The following LIMS1 variants were observed in gnomAD, a reference collection of about 807,000 sequenced individuals.
The protein encoded by LIMS1 is LIM zinc finger domain containing 1, also known as LIM and senescent cell antigen-like-containing domain protein 1.
Under a neutral mutation model 44.1 loss-of-function variants are expected in LIMS1, and 18 were observed. The ratio of observed to expected loss-of-function variants is 0.41; its 90% confidence interval spans 0.28 to 0.61. The LOEUF (loss-of-function observed/expected upper bound fraction) is 0.61, where lower values mean the gene tolerates loss of function less well. LIMS1 is among the 20% of genes least tolerant of loss of function. The pLI is 0.32. For missense variants in LIMS1, 201 were observed against 422.0 expected, an observed-to-expected ratio of 0.48 and a Z score of 4.59; for synonymous variants, 93 against 149.1, an observed-to-expected ratio of 0.62 and a Z score of 2.74.
At chr2:108,676,909 T>G (rs1395630322) in intron 7 of LIMS1, 1 of 551,948 alleles carries the variant, frequency 1.8e-6, no homozygotes, top group African/African-American at 1.9e-5. Context: ...CACAGTTTGC[T>G]TTATCATTTC....
At position 108,590,624 on chromosome 2, in the gene LIMS1, CTT is replaced by C. The variant is rs529511408; in HGVS notation, c.32+56033_32+56034del. 7.8e-4 allele frequency among the ~76,000 whole-genome samples: 118 copies of C among 152,180 alleles called. 1 individual carries two copies. Among genetic ancestry groups the C allele is most frequent in the Non-Finnish European group, 1.5e-3 (102 of 68,040 alleles). On this transcript the variant is annotated intron_variant, in intron 1 of 9. Transcript: ENST00000544547. ...AGAGACGGCACCATGGAGGTAGTGACTTTTGAGTTGGGCTTTGAAGAATTTGA... is the reference window on the plus strand; with the variant it reads ...AGAGACGGCACCATGGAGGTAGTGACTTGAGTTGGGCTTTGAAGAATTTGA...
At chr2:108,625,585 C>A (rs79785802) in intron 1 of LIMS1, among the ~76,000 whole-genome samples, 1,855 of 151,836 alleles carry the variant, frequency 0.012, 44 homozygotes, top group African/African-American at 0.043. Flanking sequence ...AATCCCCCCC[C>A]CCAAAAAAAT....
intron 2 of LIMS1, among the ~76,000 whole-genome samples, chr2:108,668,571 C>T (rs554092958): frequency 1.2e-4 from 18 of 152,130 alleles, no homozygotes; most frequent in Non-Finnish European, 2.9e-5. Flanking sequence ...AAGAGTACTC[C>T]GCTGGGTATA....
chr2:108,683,753 T>G, intron 9 of LIMS1, 132 bp from the exon 10 acceptor site: 1 of 442,734 alleles, frequency 2.3e-6, no homozygotes, highest in Non-Finnish European at 4.1e-6. Flanking sequence ...TATGGTTTTT[T>G]TACTAACATG....
chr2:108,580,797 GGA>G (rs1685856188), intron 1 of LIMS1, among the ~76,000 whole-genome samples: 1 of 152,190 alleles, frequency 6.6e-6, no homozygotes, highest in African/African-American at 2.4e-5. Flanking sequence ...CTTGCATGGA[GGA>G]GAGAGAGTTT....
intron 1 of LIMS1, among the ~76,000 whole-genome samples, chr2:108,621,686 C>T (rs188886341): frequency 2.6e-5 from 4 of 152,166 alleles, no homozygotes; most frequent in African/African-American, 7.2e-5. Context: ...TTGTTTTACC[C>T]CTTCTCCAAA....
chr2:108,659,300 A>G (rs1191377701), intron 1 of LIMS1: 3 of 324,790 alleles, frequency 9.2e-6, no homozygotes, highest in Non-Finnish European at 1.3e-5. Context: ...TGTAACTTTC[A>G]TCTCTGTCTC....
At chr2:108,616,918 T>C (rs1687963592) in intron 1 of LIMS1, among the ~76,000 whole-genome samples, 1 of 152,214 alleles carries the variant, frequency 6.6e-6, no homozygotes, top group Non-Finnish European at 1.5e-5. Context: ...ATTCTTGCTT[T>C]ATTAGATAAA....
At position 108,541,686 on chromosome 2, in the gene LIMS1, C is replaced by G. The variant is rs371646231; in HGVS notation, c.32+7092C>G. 2.2e-4 allele frequency among the ~76,000 whole-genome samples: 33 copies of G among 152,302 alleles called. No individual in the cohort carries two copies. The East Asian group carries it at 2.3e-3, about 11-fold the overall frequency. ...AGCCTTTGTCTCTCTAACCCACTGCCTTTTTCTGAAAATGATGATTTCCTG... is the reference window on the plus strand; with the variant it reads ...AGCCTTTGTCTCTCTAACCCACTGCGTTTTTCTGAAAATGATGATTTCCTG... On this transcript the variant is annotated intron_variant, in intron 1 of 9. Transcript: ENST00000544547.
At chr2:108,676,104 T>G in intron 6 of LIMS1, 76 bp downstream of exon 6, 3 of 1,477,820 alleles carry the variant, frequency 2.0e-6, no homozygotes, top group South Asian at 1.4e-5. Context: ...CTTTCAGATC[T>G]CCCATGATTC....
intron 2 of LIMS1, among the ~76,000 whole-genome samples, chr2:108,666,139 G>A (rs1157828382): frequency 6.6e-6 from 1 of 152,300 alleles, no homozygotes; most frequent in African/African-American, 2.4e-5. Flanking sequence ...CTGAGGGGCA[G>A]CCCCAGGACT....
At chr2:108,602,900 G>C (rs963573726) in intron 1 of LIMS1, among the ~76,000 whole-genome samples, 1 of 152,200 alleles carries the variant, frequency 6.6e-6, no homozygotes, top group African/African-American at 2.4e-5. Flanking sequence ...TGAGCAGCTG[G>C]GAGTATAGGC....
At chr2:108,555,089 T>C (rs1684879624) in intron 1 of LIMS1, among the ~76,000 whole-genome samples, 1 of 152,198 alleles carries the variant, frequency 6.6e-6, no homozygotes, top group African/African-American at 2.4e-5. Flanking sequence ...CCCTTAGCCA[T>C]GAGAATCCAT....
intron 1 of LIMS1, among the ~76,000 whole-genome samples, chr2:108,552,266 A>G (rs1193579550): frequency 7.1e-6 from 1 of 140,168 alleles, no homozygotes; most frequent in South Asian, 2.2e-4. Context: ...TACTACACGT[A>G]TAGTATATAT....
chr2:108,657,458 C>G (rs546723601), intron 1 of LIMS1, among the ~76,000 whole-genome samples: 2 of 152,428 alleles, frequency 1.3e-5, no homozygotes, highest in South Asian at 4.1e-4. Flanking sequence ...GAGAACAGCA[C>G]TGAGAATGAC....
chr2:108,570,072 T>C (rs1685431965), intron 1 of LIMS1, among the ~76,000 whole-genome samples: 1 of 152,192 alleles, frequency 6.6e-6, no homozygotes, highest in South Asian at 2.1e-4. Context: ...GGAGAACTTA[T>C]TTGACAGATA....
chr2:108,652,296 A>G (rs1690550316), intron 1 of LIMS1, among the ~76,000 whole-genome samples: 1 of 152,296 alleles, frequency 6.6e-6, no homozygotes, highest in South Asian at 2.1e-4. Flanking sequence ...AAGTACTTAA[A>G]TGCCCTTCAG....
intron 1 of LIMS1, among the ~76,000 whole-genome samples, chr2:108,583,723 GTCTTAC>G (rs2104661747): frequency 1.0e-5 from 1 of 99,984 alleles, no homozygotes; most frequent in African/African-American, 3.6e-5. Context: ...TTGAGATGGA[GTCTTAC>G]TCTCGCTCAG....
chr2:108,580,866 C>G (rs1364225067), intron 1 of LIMS1, among the ~76,000 whole-genome samples: 3 of 152,182 alleles, frequency 2.0e-5, no homozygotes, highest in African/African-American at 7.2e-5. Context: ...AGTATCTAAG[C>G]AGACCACATT....
Sources: allele counts gnomAD v4.1 joint callset (sites outside exome capture counted in the v4.1 genomes callset), GRCh38; gene constraint gnomAD v4.1.1; transcripts MANE v1.5; gene names NCBI Gene and HGNC (gene_info 2026-07-23, HGNC 2026-07-21).